Variants in CDH17 observed in about 807,000 individuals in gnomAD.
CDH17 encodes cadherin-17.
A neutral mutation model predicts 86.3 loss-of-function variants in CDH17; 67 were observed. The observed-to-expected ratio is 0.78, with a 90% CI of 0.64 to 0.95. The LOEUF (loss-of-function observed/expected upper bound fraction) is 0.95. Among genes scored for constraint, CDH17 ranks in the 40% least tolerant of loss-of-function variants. CDH17 has a pLI of 0.00. For synonymous variants in CDH17, 367 were observed against 366.4 expected (o/e 1.00, Z -0.02); for missense variants, 993 against 1,017.6 (o/e 0.98, Z 0.33).
chr8:94,146,665 G>C (rs1318791377), intron 14 of CDH17, among the ~76,000 whole-genome samples: 1 of 152,226 alleles, frequency 6.6e-6, no homozygotes, highest in Non-Finnish European at 1.5e-5. Flanking sequence ...CAGCATAACT[G>C]GTTGGTAGCT....
intron 3 of CDH17, among the ~76,000 whole-genome samples, chr8:94,185,748 A>G (rs993335931): frequency 6.6e-6 from 1 of 152,236 alleles, no homozygotes; most frequent in Non-Finnish European, 1.5e-5. Context: ...TTATATAAAT[A>G]TAACATTTTA....
intron 3 of CDH17, among the ~76,000 whole-genome samples, chr8:94,178,724 C>T (rs1200392713): frequency 6.6e-6 from 1 of 151,788 alleles, no homozygotes; most frequent in Non-Finnish European, 1.5e-5. Context: ...TGTTATGGTA[C>T]CAAAAGAATT....
At chr8:94,210,225 G>GGAA (rs1563594359), upstream of CDH17, among the ~76,000 whole-genome samples, 3 of 16,116 alleles carry the variant, frequency 1.9e-4, no homozygotes, top group South Asian at 2.0e-3. Context: ...CTTTATGCGA[G>GGAA]TAAAAAAAAA....
intron 11 of CDH17, among the ~76,000 whole-genome samples, chr8:94,161,649 CCTTT>C (rs57220529): frequency 0.011 from 1,631 of 152,118 alleles, 40 homozygotes; most frequent in African/African-American, 0.037. Flanking sequence ...TTTTCTTCTC[CCTTT>C]CTCTTACCCA....
intron 13 of CDH17, among the ~76,000 whole-genome samples, chr8:94,149,868 T>A (rs932527268): frequency 8.5e-5 from 13 of 152,184 alleles, no homozygotes; most frequent in African/African-American, 3.1e-4. Context: ...CCAATGGTAG[T>A]CCTTTAAAAA....
At chr8:94,215,812 G>C (rs1239316759) in intron 1 of CDH17, among the ~76,000 whole-genome samples, 1 of 151,140 alleles carries the variant, frequency 6.6e-6, no homozygotes, top group Non-Finnish European at 1.5e-5. Flanking sequence ...TTCTATTATC[G>C]GAAATGTCTT....
chr8:94,159,861 C>A (rs1813016613), intron 12 of CDH17, 110 bp downstream of exon 12: 2 of 725,190 alleles, frequency 2.8e-6, no homozygotes, highest in African/African-American at 1.8e-5. Context: ...CATCACCATG[C>A]CTGAGAGATG....
chr8:94,151,760 G>T (rs1812859670), intron 13 of CDH17, 108 bp downstream of exon 13: 2 of 1,402,074 alleles, frequency 1.4e-6, no homozygotes, highest in East Asian at 2.3e-5. Flanking sequence ...ATCATTGCTG[G>T]GTATGCTGTG....
chr8:94,166,887 C>T (rs1214017833), intron 9 of CDH17, among the ~76,000 whole-genome samples: 2 of 152,194 alleles, frequency 1.3e-5, no homozygotes, highest in East Asian at 3.9e-4. Flanking sequence ...CCCCTTGAGA[C>T]TCTGGAGGGA....
chr8:94,212,196 G>C (rs558564979), upstream of CDH17, among the ~76,000 whole-genome samples: 1 of 152,272 alleles, frequency 6.6e-6, no homozygotes, highest in South Asian at 2.1e-4. Context: ...GTCACAGGCT[G>C]ACAGGCTGGA....
At chr8:94,142,092 TA>T (rs35902462) in intron 15 of CDH17, among the ~76,000 whole-genome samples, 33,636 of 151,996 alleles carry the variant, frequency 0.22, 4,696 homozygotes, top group African/African-American at 0.38. Context: ...TAATTCAATG[TA>T]AAAAAAGGAT....
chr8:94,199,056 TATATATATATATATATATATATATATA>T (rs1307760485), intron 1 of CDH17, among the ~76,000 whole-genome samples: 48 of 22,632 alleles, frequency 2.1e-3, no homozygotes, highest in African/African-American at 5.7e-3. Flanking sequence ...TATATATATA[TATATATATATATATATATATATATATA>T]TTTTTTTTTT....
In CDH17 at chr8:94,152,055, C is replaced by T. The variant is rs367757597; in HGVS notation, c.1609G>A (p.Glu537Lys). 1 of 1,614,154 alleles carries T rather than the reference C, an allele frequency of 6.2e-7. No homozygotes were observed. Among genetic ancestry groups the T allele is most frequent in the Non-Finnish European group, 8.5e-7 (1 of 1,180,020 alleles). Reference protein sequence around the residue: ...SNIVFKAENPEPLVFGVKYNA... With the variant: ...SNIVFKAENPKPLVFGVKYNA... Reference sequence around the variant, plus strand: ...TACTTCACACCAAACACTAGAGGCTCAGGATTTTCTGCTTTGAACACAATG... The same window carrying T: ...TACTTCACACCAAACACTAGAGGCTTAGGATTTTCTGCTTTGAACACAATG... The change falls in exon 13 of 18, where the codon GAG (glutamate) becomes AAG (lysine). Residue 537 changes from glutamate (E) to lysine (K), a missense_variant. Physicochemically the swap from Glu to Lys is moderately conservative, Grantham distance 56 (BLOSUM62 1). Coordinates refer to ENST00000027335, the MANE Select transcript of CDH17 (RefSeq NM_004063.4).
chr8:94,171,850 A>C (rs945018831), intron 7 of CDH17, among the ~76,000 whole-genome samples: 2 of 152,102 alleles, frequency 1.3e-5, no homozygotes, highest in Non-Finnish European at 2.9e-5. Context: ...TCACAGCAGC[A>C]ACTTTGTCCC....
intron 15 of CDH17, among the ~76,000 whole-genome samples, chr8:94,134,807 A>C (rs1812490308): frequency 1.3e-5 from 2 of 152,222 alleles, no homozygotes; most frequent in South Asian, 4.2e-4. Flanking sequence ...AATGCTATAA[A>C]TTTCCCTCTA....
chr8:94,127,970 G>C lies in CDH17; in HGVS notation c.*270C>G. On this transcript the variant is annotated 3_prime_UTR_variant, in exon 18 of 18. Coordinates refer to ENST00000027335, the MANE Select transcript of CDH17 (RefSeq NM_004063.4). ...TAGCTGGGCATGGTGGTGGGTGCCT[G>C]TAAACCCAGCTACTTAGGAAGCTGA... The C allele has an allele frequency of 3.1e-6, 1 of 323,448 alleles. No individual in the cohort carries two copies. Among genetic ancestry groups the C allele is most frequent in the Non-Finnish European group, 5.7e-6 (1 of 175,400 alleles). The allele number at this position is 323,448 out of a possible 1,614,324, so 20.0% of individuals were successfully genotyped here.
At chr8:94,135,383 G>T (rs963421575) in intron 15 of CDH17, among the ~76,000 whole-genome samples, 2 of 152,198 alleles carry the variant, frequency 1.3e-5, no homozygotes, top group African/African-American at 4.8e-5. Flanking sequence ...AGCTCTTCTT[G>T]TTGAATTGAT....
At chr8:94,175,381 A>G (rs146071760) in intron 5 of CDH17, among the ~76,000 whole-genome samples, 1 of 152,210 alleles carries the variant, frequency 6.6e-6, no homozygotes, top group African/African-American at 2.4e-5. Context: ...ATCACTCCAC[A>G]TAATAAACTG....
chr8:94,165,624 A>T, intron 10 of CDH17, 137 bp downstream of exon 10: 1 of 677,178 alleles, frequency 1.5e-6, no homozygotes, highest in Non-Finnish European at 2.7e-6. Context: ...TCTCTGTGTT[A>T]TGTGTGTTTC....
Sources: allele counts gnomAD v4.1 joint callset (sites outside exome capture counted in the v4.1 genomes callset), GRCh38; gene constraint gnomAD v4.1.1; transcripts MANE v1.5; gene names NCBI Gene and HGNC (gene_info 2026-07-23, HGNC 2026-07-21).